Variants in FGD4 observed in about 807,000 individuals in gnomAD.
FGD4 encodes FYVE, RhoGEF and PH domain containing 4.
Under a neutral mutation model 102.0 loss-of-function variants are expected in FGD4, and 42 were observed. That is an observed-to-expected ratio of 0.41 (90% CI 0.32 to 0.53). FGD4 has a LOEUF of 0.53. Ranked by LOEUF, FGD4 falls within the 20% of genes least tolerant of loss-of-function variation. FGD4 has a pLI of 0.21. For synonymous variants in FGD4, 380 were observed against 375.7 expected (o/e 1.01, Z -0.13); for missense variants, 902 against 1,078.2 (o/e 0.84, Z 2.29).
intron 1 of FGD4, among the ~76,000 whole-genome samples, chr12:32,422,729 C>T (rs1941684554): frequency 6.6e-6 from 1 of 152,126 alleles, no homozygotes; most frequent in South Asian, 2.1e-4. Flanking sequence ...AATTCCCCTC[C>T]CCCTTTTCTA....
chr12:32,516,369 C>G (rs1018227700), intron 1 of FGD4, among the ~76,000 whole-genome samples: 2 of 152,090 alleles, frequency 1.3e-5, no homozygotes, highest in African/African-American at 4.8e-5. Context: ...GTCTCAAACT[C>G]CCAGGCCCAA....
In FGD4 at chr12:32,404,965, G is replaced by C. The variant is rs188478588; in HGVS notation, c.166+5006G>C. Among the ~76,000 whole-genome samples the C allele has an allele frequency of 2.4e-4, 37 of 152,088 alleles. No individual in the cohort carries two copies. In the East Asian group the frequency reaches 7.0e-3, roughly 29 times the overall value. ...TTTTTATTTTTTGAGACGGAGTCTG[G>C]CTCTGTTGCCCAGGCTGGAGAGCAG... is the stretch of plus-strand genomic sequence containing the variant. On this transcript the variant is annotated intron_variant, in intron 1 of 16. Transcript: ENST00000534526.
Position 32,636,939 on chromosome 12 carries a change from C to T in FGD4, c.2314-1716C>T, listed in dbSNP as rs112058743. Among the ~76,000 whole-genome samples the T allele has an allele frequency of 9.7e-3, 1,450 of 149,312 alleles. 22 individuals carry two copies. The highest frequency in any genetic ancestry group is 0.034 in the East Asian group (173 of 5,018). On this transcript the variant is annotated intron_variant, in intron 15 of 16. Coordinates refer to ENST00000534526, the MANE Select transcript of FGD4 (RefSeq NM_001370298.3). ...AGGCTGGAGTGCAGTGGTGCGATCTCAGCTCACTGCAATCTCTGCCTCCCC... is the reference window on the plus strand; with the variant it reads ...AGGCTGGAGTGCAGTGGTGCGATCTTAGCTCACTGCAATCTCTGCCTCCCC...
rs886049271 is a variant in FGD4, at chr12:32,644,347, A to G, written c.*3814A>G. The G allele has an allele frequency of 1.3e-5, 2 of 152,170 alleles. No homozygotes were observed. Among genetic ancestry groups the G allele is most frequent in the Admixed American group, 6.5e-5 (1 of 15,278 alleles). 9.4% of individuals were successfully genotyped at this position (152,170 alleles called of 1,614,324 possible). A position where few individuals can be genotyped will look rare whatever the true frequency, so the allele number is the denominator to read the frequency against. On this transcript the variant is annotated 3_prime_UTR_variant, in exon 17 of 17. Transcript: ENST00000534526. ...AGATTCTCAGCTTTAGAAAATGACTATGATACATAAAGACCACTAGGTCAA... is the reference window on the plus strand; with the variant it reads ...AGATTCTCAGCTTTAGAAAATGACTGTGATACATAAAGACCACTAGGTCAA...
At chr12:32,477,785 A>G (rs1162812126) in intron 1 of FGD4, among the ~76,000 whole-genome samples, 3 of 152,228 alleles carry the variant, frequency 2.0e-5, no homozygotes, top group Non-Finnish European at 4.4e-5. Context: ...TGTAGAAATG[A>G]TTGTGGTAAA....
At chr12:32,627,619 T>A (rs1346194356) in intron 14 of FGD4, among the ~76,000 whole-genome samples, 1 of 152,288 alleles carries the variant, frequency 6.6e-6, no homozygotes, top group East Asian at 1.9e-4. Context: ...AAAGGTGGAC[T>A]TGGGCACCTG....
intron 10 of FGD4, 67 bp from the exon 11 acceptor site, chr12:32,619,631 C>CAA: frequency 1.3e-6 from 2 of 1,539,000 alleles, no homozygotes; most frequent in Non-Finnish European, 9.0e-7. Context: ...GACTCTGTCT[C>CAA]AAAAAAAAAC....
Position 32,600,584 on chromosome 12 carries a change from C to CTTTTTTTTTTTT in FGD4, c.1102-691_1102-690insTTTTTTTTTTTT, listed in dbSNP as rs776556112. ...GTTTTTTGTTTTTCTTTCTTTCTTT[C>CTTTTTTTTTTTT]TTTCTTTCTTTTTTTTTTTTTTGTC... On this transcript the variant is annotated intron_variant, in intron 5 of 16. Transcript: ENST00000534526. 1.2e-3 allele frequency: 324 copies of CTTTTTTTTTTTT among 269,494 alleles called. 8 individuals are homozygous for CTTTTTTTTTTTT. The highest frequency in any genetic ancestry group is 8.3e-3 in the African/African-American group (208 of 25,032). The allele number at this position is 269,494 out of a possible 1,614,324, so 16.7% of individuals were successfully genotyped here. A position where few individuals can be genotyped will look rare whatever the true frequency, so the allele number is the denominator to read the frequency against.
intron 4 of FGD4, among the ~76,000 whole-genome samples, chr12:32,590,225 A>G (rs1947355368): frequency 6.8e-6 from 1 of 147,986 alleles, no homozygotes; most frequent in East Asian, 2.1e-4. Flanking sequence ...CAGGAGAATC[A>G]CTTGAACCCG....
At chr12:32,433,128 C>T (rs1045023814) in intron 1 of FGD4, among the ~76,000 whole-genome samples, 1 of 151,862 alleles carries the variant, frequency 6.6e-6, no homozygotes, top group Non-Finnish European at 1.5e-5. Flanking sequence ...TCCGAAAAAG[C>T]TGAGACTACA....
intron 1 of FGD4, among the ~76,000 whole-genome samples, chr12:32,459,009 T>C (rs1476733867): frequency 6.6e-6 from 1 of 152,192 alleles, no homozygotes; most frequent in Non-Finnish European, 1.5e-5. Context: ...TTTCCTCATG[T>C]AACTGGCTAT....
intron 4 of FGD4, among the ~76,000 whole-genome samples, chr12:32,585,574 A>T (rs1455401582): frequency 6.6e-6 from 1 of 151,844 alleles, no homozygotes; most frequent in Non-Finnish European, 1.5e-5. Flanking sequence ...AGTGGCTCAC[A>T]CTTGCTATCC....
intron 1 of FGD4, among the ~76,000 whole-genome samples, chr12:32,449,706 G>A (rs1457917204): frequency 6.6e-6 from 1 of 151,902 alleles, no homozygotes; most frequent in Non-Finnish European, 1.5e-5. Context: ...TATTTTGTGG[G>A]GAAGTAACTT....
chr12:32,435,529 T>G (rs1942201630), intron 1 of FGD4, among the ~76,000 whole-genome samples: 1 of 95,870 alleles, frequency 1.0e-5, no homozygotes, highest in African/African-American at 6.1e-5. Flanking sequence ...TTTAAATGAC[T>G]AAGTTGGAAT....
chr12:32,423,607 A>G (rs1406051384), intron 1 of FGD4, among the ~76,000 whole-genome samples: 53 of 151,040 alleles, frequency 3.5e-4, no homozygotes, highest in Non-Finnish European at 4.7e-4. Flanking sequence ...AAAAAAAAAA[A>G]AAAGAAAGAA....
intron 2 of FGD4, among the ~76,000 whole-genome samples, chr12:32,564,648 A>G (rs1027475127): frequency 6.6e-6 from 1 of 152,196 alleles, no homozygotes; most frequent in Non-Finnish European, 1.5e-5. Flanking sequence ...AGATGTCAGT[A>G]TCTGTAAAAC....
intron 1 of FGD4, among the ~76,000 whole-genome samples, chr12:32,530,941 G>GTTTTTTTTTTTTTTTTTTTTTTTT (rs768536136): frequency 2.8e-5 from 2 of 70,478 alleles, no homozygotes; most frequent in African/African-American, 6.9e-5. Context: ...CCTAGCTTTG[G>GTTTTTTTTTTTTTTTTTTTTTTTT]TTTTTTTTTT....
At chr12:32,508,437 C>T (rs1592048419) in intron 1 of FGD4, among the ~76,000 whole-genome samples, 1 of 152,298 alleles carries the variant, frequency 6.6e-6, no homozygotes, top group South Asian at 2.1e-4. Context: ...TTTTCATCCA[C>T]AGCAAGTAGA....
At position 32,416,901 on chromosome 12, in the gene FGD4, C is replaced by CT. The variant is rs746296505; in HGVS notation, c.166+16955dup. Among the ~76,000 whole-genome samples the CT allele has an allele frequency of 4.5e-3, 641 of 142,646 alleles. 3 individuals are homozygous for CT. The highest frequency in any genetic ancestry group is 4.7e-3 in the African/African-American group (185 of 39,222). The allele number at this position is 142,646 out of a possible 152,430, so 93.6% of individuals were successfully genotyped here. A position where few individuals can be genotyped will look rare whatever the true frequency, so the allele number is the denominator to read the frequency against. On this transcript the variant is annotated intron_variant, in intron 1 of 16. Coordinates refer to ENST00000534526, the MANE Select transcript of FGD4 (RefSeq NM_001370298.3). ...TTAACGTCCTTTTCTTTTTCTTTTT[C>CT]TTTTTTTTTTTTTGAGATGGAGTCT... is the stretch of plus-strand genomic sequence containing the variant.
Sources: gnomAD v4.1 joint callset for allele counts (sites outside exome capture counted in the v4.1 genomes callset) on GRCh38, gnomAD v4.1.1 for gene constraint, MANE v1.5 for transcripts, NCBI Gene and HGNC (gene_info 2026-07-23, HGNC 2026-07-21) for gene names.